Variants in CHST12 observed in about 807,000 individuals in gnomAD.
CHST12 encodes the protein carbohydrate (chondroitin 4) sulfotransferase 12.
A neutral mutation model predicts 27.9 loss-of-function variants in CHST12; 23 were observed. The ratio of observed to expected loss-of-function variants is 0.82; its 90% CI spans 0.59 to 1.17. CHST12 has a LOEUF of 1.17. CHST12 is among the 50% of genes most tolerant of loss of function. The pLI is 0.00. For missense variants in CHST12, 682 were observed against 603.0 expected (o/e 1.13, Z -1.37); for synonymous variants, 322 against 273.0 (o/e 1.18, Z -1.77).
intron 1 of CHST12, among the ~76,000 whole-genome samples, chr7:2,404,466 G>C (rs1321028285): frequency 1.3e-5 from 2 of 152,248 alleles, no homozygotes; most frequent in Admixed American, 1.3e-4. Context: ...GGAAGCCCCG[G>C]GGTGAATAGG....
chr7:2,418,128 C>T (rs933361741), intron 1 of CHST12, among the ~76,000 whole-genome samples: 2 of 152,366 alleles, frequency 1.3e-5, no homozygotes, highest in Non-Finnish European at 2.9e-5. Flanking sequence ...AGTATTTGGA[C>T]CAGTGGCCTT....
chr7:2,407,756 C>A (rs186106119), intron 1 of CHST12, among the ~76,000 whole-genome samples: 96 of 151,802 alleles, frequency 6.3e-4, no homozygotes, highest in African/African-American at 2.0e-3. Context: ...ATGATGAAAC[C>A]CCATCTCTAC....
rs1282563469 is a variant in CHST12, at chr7:2,435,759, C to G, written c.*1875C>G. 6.6e-6 allele frequency: 1 copy of G among 152,302 alleles called. No homozygotes were observed. The highest frequency in any genetic ancestry group is 1.5e-5 in the Non-Finnish European group (1 of 68,110). 9.4% of individuals were successfully genotyped at this position (152,302 alleles called of 1,614,324 possible). ...CCCAGTGCCTGCTAGCCTCAGGTGTCCCCTGTGTTAGACACCTCCTGCCTT... is the reference window on the plus strand; with the variant it reads ...CCCAGTGCCTGCTAGCCTCAGGTGTGCCCTGTGTTAGACACCTCCTGCCTT... On this transcript the variant is annotated 3_prime_UTR_variant, in exon 2 of 2. Coordinates refer to ENST00000618655, the MANE Select transcript of CHST12 (RefSeq NM_018641.5).
rs1782466567 is a variant in CHST12, at chr7:2,436,096, G to A, written c.*2212G>A. The A allele has an allele frequency of 6.6e-6, 1 of 152,304 alleles. No homozygotes were observed. The highest frequency in any genetic ancestry group is 3.2e-3 in the Middle Eastern group (1 of 316). The allele number at this position is 152,304 out of a possible 1,614,324, so 9.4% of individuals were successfully genotyped here. On this transcript the variant is annotated 3_prime_UTR_variant, in exon 2 of 2. Transcript: ENST00000618655. ...CCCAAAGTGCTGGGATTACAGGCATGAGCCATCACACCTGGCCCCTCCAAG... is the reference window on the plus strand; with the variant it reads ...CCCAAAGTGCTGGGATTACAGGCATAAGCCATCACACCTGGCCCCTCCAAG...
At chr7:2,431,897 C>T (rs914942296) in intron 1 of CHST12, among the ~76,000 whole-genome samples, 2 of 152,036 alleles carry the variant, frequency 1.3e-5, no homozygotes, top group African/African-American at 4.8e-5. Flanking sequence ...TTACTTATGA[C>T]ACCAATAGCA....
rs1007833720 is a variant in CHST12, at chr7:2,442,883, A to T, written c.*8999A>T. 1 of 151,962 alleles carries T rather than the reference A, an allele frequency of 6.6e-6. No homozygotes were observed. Among genetic ancestry groups the T allele is most frequent in the African/African-American group, 2.4e-5 (1 of 41,400 alleles). The allele number at this position is 151,962 out of a possible 1,614,324, so 9.4% of individuals were successfully genotyped here. A position where few individuals can be genotyped will look rare whatever the true frequency, so the allele number is the denominator to read the frequency against. On this transcript the variant is annotated 3_prime_UTR_variant, in exon 2 of 2. Coordinates refer to ENST00000618655, the MANE Select transcript of CHST12 (RefSeq NM_018641.5). ...TGAACCCTGCATACCAGGGTTCTCC[A>T]TGCAACAATCTAATGCCTGATGATC...
chr7:2,433,465 C>A lies in CHST12; in HGVS notation c.826C>A (p.Arg276=). 3.7e-6 allele frequency: 6 copies of A among 1,610,852 alleles called. No homozygotes were observed. The highest frequency in any genetic ancestry group is 3.4e-6 in the Non-Finnish European group (4 of 1,179,928). The change falls in exon 2 of 2, where the codon CGG becomes AGG. Residue 276 remains arginine (R), a synonymous_variant. Coordinates refer to ENST00000618655, the MANE Select transcript of CHST12 (RefSeq NM_018641.5). This position sits in a 1 kb window ranked among gnomAD's most constrained non-coding sequence, Gnocchi z 6.1. ...CCGCAAGTTCGCCGTGCCCATGCTG[C>A]GGCTGTACGCCAACCACACCAGCCT... The part of the protein sequence containing the change: ...FYRKFAVPML[R]LYANHTSLPA...
Position 2,433,628 on chromosome 7 carries a change from A to G in CHST12, c.989A>G (p.His330Arg). The change falls in exon 2 of 2, where the codon CAC (histidine) becomes CGC (arginine). Residue 330 changes from histidine (H) to arginine (R), a missense_variant. Physicochemically the swap from His to Arg is conservative, Grantham distance 29. Coordinates refer to ENST00000618655, the MANE Select transcript of CHST12 (RefSeq NM_018641.5). The surrounding 1 kb of genome is among the most constrained non-coding windows in gnomAD (Gnocchi z 6.1). ...EHWRQVYRLC[H>R]PCQIDYDFVG... Reference sequence around the variant, plus strand: ...TGGCGGCAGGTGTACCGCCTCTGCCACCCGTGCCAGATCGACTACGACTTC... The same window carrying G: ...TGGCGGCAGGTGTACCGCCTCTGCCGCCCGTGCCAGATCGACTACGACTTC... 1 of 1,613,646 alleles carries G rather than the reference A, an allele frequency of 6.2e-7. No homozygotes were observed. The highest frequency in any genetic ancestry group is 8.5e-7 in the Non-Finnish European group (1 of 1,179,990).
At chr7:2,419,307 C>G (rs1781899560) in intron 1 of CHST12, among the ~76,000 whole-genome samples, 1 of 147,922 alleles carries the variant, frequency 6.8e-6, no homozygotes. Context: ...ACTCAGGAGG[C>G]TGAGGTGGGA....
chr7:2,403,599 G>T (rs957206826), upstream of CHST12: 13 of 152,462 alleles, frequency 8.5e-5, no homozygotes, highest in East Asian at 3.9e-4. Flanking sequence ...GGCTGCCTCT[G>T]GGGGGTCCGC....
At chr7:2,428,098 G>T (rs1782177696) in intron 1 of CHST12, among the ~76,000 whole-genome samples, 1 of 151,932 alleles carries the variant, frequency 6.6e-6, no homozygotes, top group African/African-American at 2.4e-5. Flanking sequence ...TCACTATGCT[G>T]TGATTCTTTC....
intron 1 of CHST12, among the ~76,000 whole-genome samples, chr7:2,425,776 ATC>A (rs1323162836): frequency 6.9e-6 from 1 of 144,746 alleles, no homozygotes; most frequent in Non-Finnish European, 1.5e-5. Flanking sequence ...TGTCTATTTG[ATC>A]TTTATTTTTT....
chr7:2,433,986 C>T lies in CHST12; in HGVS notation c.*102C>T, dbSNP rs553167921. 5.7e-5 allele frequency: 51 copies of T among 887,276 alleles called. No homozygotes were observed. In the South Asian group the frequency reaches 7.4e-4, roughly 13 times the overall value. 55.0% of individuals were successfully genotyped at this position (887,276 alleles called of 1,614,324 possible). A position where few individuals can be genotyped will look rare whatever the true frequency, so the allele number is the denominator to read the frequency against. On this transcript the variant is annotated 3_prime_UTR_variant, in exon 2 of 2. Transcript: ENST00000618655. The surrounding 1 kb of genome is among the most constrained non-coding windows in gnomAD (Gnocchi z 6.1). The stretch of plus-strand genomic sequence containing the variant: ...TTGCAATCTGGGCTTCTTGTTCACT[C>T]CACTGCCTCTATCCATTGAGTACTG...
chr7:2,427,628 A>G (rs1417676991), intron 1 of CHST12, among the ~76,000 whole-genome samples: 1 of 152,066 alleles, frequency 6.6e-6, no homozygotes, highest in Non-Finnish European at 1.5e-5. Context: ...GTGTTTGTAG[A>G]TGCCCTATAA....
chr7:2,434,081 G>A lies in CHST12; in HGVS notation c.*197G>A, dbSNP rs2115447044. Reference sequence around the variant, plus strand: ...ACGAAATGTGGAAGGGAATGCTGGAGTAAAATATCCCCTCTCCCCTCCGCC... The same window carrying A: ...ACGAAATGTGGAAGGGAATGCTGGAATAAAATATCCCCTCTCCCCTCCGCC... On this transcript the variant is annotated 3_prime_UTR_variant, in exon 2 of 2. Transcript: ENST00000618655. 2.1e-6 allele frequency: 1 copy of A among 482,598 alleles called. No individual in the cohort carries two copies. Among genetic ancestry groups the A allele is most frequent in the East Asian group, 3.4e-5 (1 of 29,676 alleles). 29.9% of individuals were successfully genotyped at this position (482,598 alleles called of 1,614,324 possible). A position where few individuals can be genotyped will look rare whatever the true frequency, so the allele number is the denominator to read the frequency against.
chr7:2,433,565 A>G lies in CHST12; in HGVS notation c.926A>G (p.Asp309Gly). Residue 309 changes from aspartate (D) to glycine (G), a missense_variant, in exon 2 of 2, where the codon GAC (aspartate) becomes GGC (glycine). By Grantham distance (94) the Asp-to-Gly change is moderately conservative. Transcript: ENST00000618655. The surrounding 1 kb of genome is among the most constrained non-coding windows in gnomAD (Gnocchi z 6.1). Reference protein sequence around the residue: ...SFANFIQYLLDPHTEKLAPFN... With the variant: ...SFANFIQYLLGPHTEKLAPFN... ...GCCAACTTCATCCAGTACCTGCTGG[A>G]CCCGCACACGGAGAAGCTGGCGCCC... 1 of 1,613,412 alleles carries G rather than the reference A, an allele frequency of 6.2e-7. No individual in the cohort carries two copies. Among genetic ancestry groups the G allele is most frequent in the Non-Finnish European group, 8.5e-7 (1 of 1,179,960 alleles).
In CHST12 at chr7:2,434,599, AAAAAAAAAAAAAAAAAAT is replaced by A. The variant is rs1782425775; in HGVS notation, c.*716_*733del. 1 of 152,636 alleles carries A rather than the reference AAAAAAAAAAAAAAAAAAT, an allele frequency of 6.6e-6. No individual in the cohort carries two copies. Among genetic ancestry groups the A allele is most frequent in the African/African-American group, 2.6e-5 (1 of 38,270 alleles). 9.5% of individuals were successfully genotyped at this position (152,636 alleles called of 1,614,324 possible). A position where few individuals can be genotyped will look rare whatever the true frequency, so the allele number is the denominator to read the frequency against. ...TCTACTAAAAAAAAAAAAAAAAAAA[AAAAAAAAAAAAAAAAAAT>A]GAGTCGGGTGTGGTGGTGTGCACCT... On this transcript the variant is annotated 3_prime_UTR_variant, in exon 2 of 2. Coordinates refer to ENST00000618655, the MANE Select transcript of CHST12 (RefSeq NM_018641.5).
chr7:2,421,851 C>T (rs1395535269), intron 1 of CHST12, among the ~76,000 whole-genome samples: 2 of 152,138 alleles, frequency 1.3e-5, no homozygotes, highest in African/African-American at 4.8e-5. Context: ...CAGGCATGAG[C>T]CACCATAGCT....
chr7:2,441,715 G>T lies in CHST12; in HGVS notation c.*7831G>T, dbSNP rs905592457. 4 of 149,188 alleles carry T rather than the reference G, an allele frequency of 2.7e-5. No homozygotes were observed. The highest frequency in any genetic ancestry group is 5.9e-5 in the Non-Finnish European group (4 of 67,524). The allele number at this position is 149,188 out of a possible 1,614,324, so 9.2% of individuals were successfully genotyped here. On this transcript the variant is annotated 3_prime_UTR_variant, in exon 2 of 2. Transcript: ENST00000618655. ...CTTAAAAAAAAAAAAAAAAAAAAAGGTGTTGTATTTTATCATTAGAAGGCC... is the reference window on the plus strand; with the variant it reads ...CTTAAAAAAAAAAAAAAAAAAAAAGTTGTTGTATTTTATCATTAGAAGGCC...
Sources: allele counts gnomAD v4.1 joint callset (sites outside exome capture counted in the v4.1 genomes callset), GRCh38; gene constraint gnomAD v4.1.1; non-coding constraint Gnocchi (gnomAD v3.1); transcripts MANE v1.5; gene names NCBI Gene and HGNC (gene_info 2026-07-23, HGNC 2026-07-21).